SUGCT: variants seen among roughly 807,000 people sequenced by gnomAD.
SUGCT encodes succinyl-CoA:glutarate CoA-transferase.
A neutral mutation model predicts 55.0 loss-of-function variants in SUGCT; 41 were observed. The ratio of observed to expected loss-of-function variants is 0.74; its 90% CI spans 0.58 to 0.97. The LOEUF (loss-of-function observed/expected upper bound fraction) is 0.97. Ranked by LOEUF, SUGCT falls within the 50% of genes least tolerant of loss-of-function variation. The pLI is 0.00. For synonymous variants in SUGCT, 187 were observed against 200.4 expected (o/e 0.93, Z 0.56); for missense variants, 568 against 547.8 (o/e 1.04, Z -0.37).
downstream of SUGCT, among the ~76,000 whole-genome samples, chr7:40,865,201 TC>T: frequency 6.6e-6 from 1 of 151,988 alleles, no homozygotes; most frequent in Admixed American, 6.6e-5. Flanking sequence ...TCTCTCTCTC[TC>T]CACACACAGA....
intron 13 of SUGCT, among the ~76,000 whole-genome samples, chr7:40,846,656 A>T (rs1006064524): frequency 6.6e-6 from 1 of 152,232 alleles, no homozygotes; most frequent in Non-Finnish European, 1.5e-5. Flanking sequence ...CATGAAATAT[A>T]TAAGTATTTA....
the SUGCT span, among the ~76,000 whole-genome samples, chr7:40,952,731 A>G: frequency 6.6e-6 from 1 of 152,190 alleles, no homozygotes; most frequent in South Asian, 2.1e-4. Context: ...TTGGCTGGAT[A>G]TGAAATTCTG....
At chr7:41,036,272 T>G in the SUGCT span, among the ~76,000 whole-genome samples, 1 of 152,224 alleles carries the variant, frequency 6.6e-6, no homozygotes, top group African/African-American at 2.4e-5. Flanking sequence ...GTGTTTCAAT[T>G]AAGGCACCTT....
chr7:40,415,332 T>G (rs1322588162), intron 9 of SUGCT, among the ~76,000 whole-genome samples: 1 of 151,578 alleles, frequency 6.6e-6, no homozygotes, highest in East Asian at 1.9e-4. Flanking sequence ...AATGCTATTT[T>G]AGTATTGTCT....
chr7:40,378,059 T>A (rs1784690411), intron 9 of SUGCT, among the ~76,000 whole-genome samples: 1 of 152,194 alleles, frequency 6.6e-6, no homozygotes. Context: ...GGTTTAGGTG[T>A]TTGTGTAGTA....
the SUGCT span, among the ~76,000 whole-genome samples, chr7:40,868,288 T>C: frequency 6.6e-6 from 1 of 152,162 alleles, no homozygotes; most frequent in African/African-American, 2.4e-5. Flanking sequence ...CTGCACCTAG[T>C]GACCTGTCCT....
chr7:40,355,389 G>A (rs1004811218), intron 9 of SUGCT, among the ~76,000 whole-genome samples: 1 of 152,062 alleles, frequency 6.6e-6, no homozygotes, highest in Admixed American at 6.6e-5. Context: ...TTACTATTAT[G>A]TTTTGTAACC....
At chr7:40,293,841 G>A (rs929209591) in intron 8 of SUGCT, among the ~76,000 whole-genome samples, 2 of 152,176 alleles carry the variant, frequency 1.3e-5, no homozygotes, top group Admixed American at 6.5e-5. Flanking sequence ...TGTAATTGTA[G>A]CAACTTTCTT....
At chr7:40,895,258 C>T in the SUGCT span, among the ~76,000 whole-genome samples, 1 of 151,980 alleles carries the variant, frequency 6.6e-6, no homozygotes, top group East Asian at 1.9e-4. Flanking sequence ...AGGAGCTCAA[C>T]AATAAGAGCA....
chr7:40,427,779 G>A (rs1787667631), intron 9 of SUGCT, among the ~76,000 whole-genome samples: 1 of 152,142 alleles, frequency 6.6e-6, no homozygotes, highest in African/African-American at 2.4e-5. Context: ...CATCTGGGAA[G>A]GGAGAGTCAA....
chr7:40,678,360 C>G (rs952403134), intron 12 of SUGCT, among the ~76,000 whole-genome samples: 12 of 152,102 alleles, frequency 7.9e-5, no homozygotes, highest in African/African-American at 2.9e-4. Context: ...TGTCCATGAG[C>G]AGGAATGAGT....
At chr7:40,913,742 T>C in the SUGCT span, among the ~76,000 whole-genome samples, 2 of 152,166 alleles carry the variant, frequency 1.3e-5, no homozygotes, top group Non-Finnish European at 2.9e-5. Flanking sequence ...ATCTGCTATA[T>C]GTGTTTTTAT....
Position 40,791,440 on chromosome 7 carries a change from C to T in SUGCT, c.1153+41943C>T, listed in dbSNP as rs560258250. Among the ~76,000 whole-genome samples, 9 of 144,280 alleles carry T rather than the reference C, an allele frequency of 6.2e-5. No individual in the cohort carries two copies. The South Asian group carries it at 9.1e-4, about 15-fold the overall frequency. The allele number at this position is 144,280 out of a possible 152,430, so 94.7% of individuals were successfully genotyped here. A position where few individuals can be genotyped will look rare whatever the true frequency, so the allele number is the denominator to read the frequency against. ...GATTTGCATTTCCAGGAACTGCTAA[C>T]GCTAGATATTTTATTCAGCAAATTC... is the stretch of plus-strand genomic sequence containing the variant. On this transcript the variant is annotated intron_variant, in intron 13 of 13. Transcript: ENST00000335693.
intron 12 of SUGCT, among the ~76,000 whole-genome samples, chr7:40,602,321 GT>G (rs904634598): frequency 1.2e-4 from 18 of 152,290 alleles, no homozygotes; most frequent in Admixed American, 2.6e-4. Context: ...AAAAGAAACT[GT>G]TTTAATGAAG....
At chr7:41,001,005 G>A in the SUGCT span, among the ~76,000 whole-genome samples, 3 of 152,152 alleles carry the variant, frequency 2.0e-5, no homozygotes, top group Non-Finnish European at 4.4e-5. Flanking sequence ...TCTTGCTGTG[G>A]CAGTTTCAGT....
At chr7:40,781,943 C>T (rs1193024768) in intron 13 of SUGCT, among the ~76,000 whole-genome samples, 1 of 151,448 alleles carries the variant, frequency 6.6e-6, no homozygotes, top group Non-Finnish European at 1.5e-5. Context: ...AAGCCTCCCC[C>T]TACCAAAAAA....
chr7:41,021,400 C>G, the SUGCT span, among the ~76,000 whole-genome samples: 4,453 of 152,116 alleles, frequency 0.029, 223 homozygotes, highest in African/African-American at 0.1. Context: ...TATACTTTAT[C>G]CAACTGTTTT....
the SUGCT span, among the ~76,000 whole-genome samples, chr7:40,902,397 G>C: frequency 6.6e-6 from 1 of 151,844 alleles, no homozygotes; most frequent in Non-Finnish European, 1.5e-5. Context: ...GGCTAATATG[G>C]TGAAACCCCA....
At chr7:40,418,957 T>G (rs1787155631) in intron 9 of SUGCT, among the ~76,000 whole-genome samples, 1 of 152,210 alleles carries the variant, frequency 6.6e-6, no homozygotes, top group South Asian at 2.1e-4. Flanking sequence ...CTTGAAATGA[T>G]GCATTCTTCT....
Sources: gnomAD v4.1 joint callset for allele counts (sites outside exome capture counted in the v4.1 genomes callset) on GRCh38, gnomAD v4.1.1 for gene constraint, MANE v1.5 for transcripts, NCBI Gene and HGNC (gene_info 2026-07-23, HGNC 2026-07-21) for gene names.